SCFD2: variants seen among roughly 807,000 people sequenced by gnomAD.
SCFD2 encodes sec1 family domain containing 2, also known as sec1 family domain-containing protein 2.
A neutral mutation model predicts 58.9 loss-of-function variants in SCFD2; 54 were observed. That is an observed-to-expected ratio of 0.92 (90% confidence interval 0.74 to 1.15). The LOEUF (loss-of-function observed/expected upper bound fraction) is 1.15. SCFD2 is among the 50% of genes most tolerant of loss of function. The pLI is 0.00. For synonymous variants in SCFD2, 321 were observed against 335.9 expected (o/e 0.96, Z 0.49); for missense variants, 805 against 836.6 (o/e 0.96, Z 0.47).
chr4:53,304,447 A>G (rs759018780), intron 3 of SCFD2, among the ~76,000 whole-genome samples: 2 of 151,956 alleles, frequency 1.3e-5, no homozygotes, highest in African/African-American at 2.4e-5. Context: ...CATTCTCCCC[A>G]TCACTTTGAG....
intron 5 of SCFD2, among the ~76,000 whole-genome samples, chr4:53,031,636 C>T (rs1165657254): frequency 2.0e-5 from 3 of 152,146 alleles, no homozygotes; most frequent in East Asian, 1.9e-4. Flanking sequence ...CTTCATGAAC[C>T]ATACACAAGT....
At chr4:53,071,440 T>C (rs1020577488) in intron 5 of SCFD2, among the ~76,000 whole-genome samples, 1 of 152,144 alleles carries the variant, frequency 6.6e-6, no homozygotes, top group African/African-American at 2.4e-5. Flanking sequence ...AATATCACTT[T>C]AGAAATATAT....
At chr4:53,220,871 G>A (rs933780847) in intron 4 of SCFD2, among the ~76,000 whole-genome samples, 4 of 152,078 alleles carry the variant, frequency 2.6e-5, no homozygotes, top group South Asian at 4.1e-4. Flanking sequence ...TTACATGCAG[G>A]GATATTTGAA....
rs140562515 is a variant in SCFD2 at position 53,166,556 on chromosome 4, A to G, written c.1312-20974T>C. Among the ~76,000 whole-genome samples, 126 of 152,330 alleles carry G rather than the reference A, an allele frequency of 8.3e-4. 1 individual carries two copies. The highest frequency in any genetic ancestry group is 2.8e-3 in the African/African-American group (115 of 41,584). On this transcript the variant is annotated intron_variant, in intron 4 of 8. Transcript: ENST00000401642. ...AAAAAGAGACAAATTTTGAAGTTAC[A>G]AGAAAAAAAGTGAGACAAACATAAA...
chr4:53,218,536 C>G lies in SCFD2; in HGVS notation c.1311+55290G>C, dbSNP rs533595452. 5.3e-5 allele frequency among the ~76,000 whole-genome samples: 8 copies of G among 152,236 alleles called. No individual in the cohort carries two copies. In the South Asian group the frequency reaches 1.7e-3, roughly 32 times the overall value. On this transcript the variant is annotated intron_variant, in intron 4 of 8. Transcript: ENST00000401642. ...CTCTGCATTGATTATTCTAGTTAGG[C>G]ATTCATCTAATCTTTTTTCAAGGTT...
chr4:53,184,881 G>C (rs925772917), intron 4 of SCFD2, among the ~76,000 whole-genome samples: 3 of 152,102 alleles, frequency 2.0e-5, no homozygotes, highest in Admixed American at 6.6e-5. Flanking sequence ...AGCTACAAGA[G>C]ATTAACTTTC....
At chr4:53,292,095 C>A (rs1354567652) in intron 3 of SCFD2, among the ~76,000 whole-genome samples, 1 of 150,948 alleles carries the variant, frequency 6.6e-6, no homozygotes, top group Non-Finnish European at 1.5e-5. Context: ...CTATAAAAAC[C>A]CTAGAAGAAA....
chr4:53,324,414 T>C (rs1417287698), intron 2 of SCFD2, among the ~76,000 whole-genome samples: 2 of 102,706 alleles, frequency 1.9e-5, no homozygotes, highest in Non-Finnish European at 3.7e-5. Context: ...TGAGACCCTG[T>C]CTCTCCAAAA....
chr4:53,175,804 T>A (rs1414354397), intron 4 of SCFD2, among the ~76,000 whole-genome samples: 1 of 152,150 alleles, frequency 6.6e-6, no homozygotes, highest in Non-Finnish European at 1.5e-5. Context: ...TCCTCATCTA[T>A]AAAATTGGAA....
intron 5 of SCFD2, among the ~76,000 whole-genome samples, chr4:52,973,690 A>G (rs1721172342): frequency 6.6e-6 from 1 of 152,232 alleles, no homozygotes; most frequent in Admixed American, 6.5e-5. Flanking sequence ...TCATCCTGAT[A>G]CCAAAGCCTG....
intron 5 of SCFD2, among the ~76,000 whole-genome samples, chr4:53,017,177 T>A (rs1372389897): frequency 6.6e-6 from 1 of 152,182 alleles, no homozygotes. Flanking sequence ...TGGGCACCGG[T>A]GGCTAATTAT....
chr4:53,154,914 A>G (rs1726620037), intron 4 of SCFD2, among the ~76,000 whole-genome samples: 1 of 152,242 alleles, frequency 6.6e-6, no homozygotes, highest in African/African-American at 2.4e-5. Context: ...GCCATGAGCC[A>G]TGGAATGCAG....
chr4:53,322,490 TAGAG>T (rs2149120771), intron 2 of SCFD2, among the ~76,000 whole-genome samples: 1 of 152,314 alleles, frequency 6.6e-6, no homozygotes, highest in African/African-American at 2.4e-5. Context: ...TCACATAAAA[TAGAG>T]AGTATTTGAG....
chr4:52,994,409 G>C (rs1280449075), intron 5 of SCFD2, among the ~76,000 whole-genome samples: 2 of 152,186 alleles, frequency 1.3e-5, no homozygotes, highest in African/African-American at 4.8e-5. Context: ...TCTTGACCTT[G>C]AGCAAGTCAA....
intron 4 of SCFD2, 134 bp downstream of exon 4, chr4:53,273,692 C>A: frequency 1.3e-6 from 1 of 751,478 alleles, no homozygotes; most frequent in Non-Finnish European, 2.0e-6. Context: ...AACTAGGGGG[C>A]ACTTAGAGAA....
At chr4:53,132,742 G>A (rs1455467836) in intron 5 of SCFD2, among the ~76,000 whole-genome samples, 1 of 152,168 alleles carries the variant, frequency 6.6e-6, no homozygotes, top group Non-Finnish European at 1.5e-5. Flanking sequence ...ATGAAAGCTG[G>A]TGATGGACGT....
intron 5 of SCFD2, among the ~76,000 whole-genome samples, chr4:53,037,845 C>T (rs1321458481): frequency 6.6e-6 from 1 of 152,150 alleles, no homozygotes; most frequent in Non-Finnish European, 1.5e-5. Context: ...CCTGAGAACT[C>T]ATCCTGGCAA....
chr4:53,058,680 C>T (rs1723419075), intron 5 of SCFD2, among the ~76,000 whole-genome samples: 2 of 151,974 alleles, frequency 1.3e-5, no homozygotes, highest in Non-Finnish European at 2.9e-5. Context: ...AACAATCTGC[C>T]CCTTAACTGA....
intron 4 of SCFD2, among the ~76,000 whole-genome samples, chr4:53,199,360 A>T (rs1226555894): frequency 6.6e-6 from 1 of 152,108 alleles, no homozygotes; most frequent in Non-Finnish European, 1.5e-5. Context: ...AGGGGAGATG[A>T]TTACAAACAA....
Sources: allele counts gnomAD v4.1 joint callset (sites outside exome capture counted in the v4.1 genomes callset), GRCh38; gene constraint gnomAD v4.1.1; transcripts MANE v1.5; gene names NCBI Gene and HGNC (gene_info 2026-07-23, HGNC 2026-07-21).